Variants in KIF13A observed in about 807,000 individuals in gnomAD.
KIF13A encodes the protein kinesin family member 13A, also known as kinesin-like protein KIF13A.
In KIF13A, 79 loss-of-function variants were observed where a neutral mutation model predicts 212.2. That is an observed-to-expected ratio of 0.37 (90% CI 0.31 to 0.45). KIF13A has a LOEUF of 0.45. KIF13A is among the 20% of genes least tolerant of loss of function. The pLI is 1.00. For missense variants in KIF13A, 1,901 were observed against 2,209.0 expected (o/e 0.86, Z 2.79); for synonymous variants, 789 against 808.6 (o/e 0.98, Z 0.41).
At chr6:17,878,354 C>A in intron 3 of KIF13A, among the ~76,000 whole-genome samples, 1 of 150,936 alleles carries the variant, frequency 6.6e-6, no homozygotes, top group East Asian at 1.9e-4. Context: ...ATCATTTATT[C>A]ACTTCTTCAG....
At chr6:17,775,761 A>G (rs1050015758) in intron 34 of KIF13A, among the ~76,000 whole-genome samples, 5 of 152,186 alleles carry the variant, frequency 3.3e-5, no homozygotes, top group Non-Finnish European at 5.9e-5. Flanking sequence ...TATGTTGCCC[A>G]GGCTGGTCTC....
In KIF13A at chr6:17,919,233, A is replaced by G. The variant is rs992211571; in HGVS notation, c.147-21053T>C. 6.6e-6 allele frequency among the ~76,000 whole-genome samples: 1 copy of G among 152,224 alleles called. No homozygotes were observed. The highest frequency in any genetic ancestry group is 2.1e-4 in the South Asian group (1 of 4,834). ...ACGAATGGAATGTGAACAGCATCAC[A>G]TAACATCACAAAACATCACAGCACA... is the stretch of plus-strand genomic sequence containing the variant. On this transcript the variant is annotated intron_variant, in intron 2 of 38. Coordinates refer to ENST00000259711, the MANE Select transcript of KIF13A (RefSeq NM_022113.6). The surrounding 1 kb of genome is among the most constrained non-coding windows in gnomAD (Gnocchi z 4.1).
chr6:17,975,445 C>T (rs879593240), intron 2 of KIF13A, among the ~76,000 whole-genome samples: 1 of 151,978 alleles, frequency 6.6e-6, no homozygotes, highest in African/African-American at 2.4e-5. Flanking sequence ...CGCTAGCTTA[C>T]AAAAGTGAAG....
Position 17,805,503 on chromosome 6 carries a change from T to A in KIF13A, c.2276A>T (p.Tyr759Phe). 1.2e-6 allele frequency: 2 copies of A among 1,613,790 alleles called. No homozygotes were observed. The highest frequency in any genetic ancestry group is 2.2e-5 in the South Asian group (2 of 91,076). The part of the protein sequence containing the change: ...ENKLIDMRDL[Y>F]QEWKEKVPEA... ...AGGAACTTTTTCCTTCCATTCTTGG[T>A]AAAGGTCTCTCATGTCAATTAATTT... The change falls in exon 19 of 39, where the codon TAC (tyrosine) becomes TTC (phenylalanine). Residue 759 changes from tyrosine (Y) to phenylalanine (F), a missense_variant. By Grantham distance (22) the Tyr-to-Phe change is conservative (BLOSUM62 3). This residue lies in a region of KIF13A where 534 missense variants were observed against 536.9 expected (regional missense o/e 0.99). Coordinates refer to ENST00000259711, the MANE Select transcript of KIF13A (RefSeq NM_022113.6).
At chr6:17,761,386 A>C (rs1295851940), downstream of KIF13A, among the ~76,000 whole-genome samples, 2 of 148,440 alleles carry the variant, frequency 1.3e-5, no homozygotes, top group African/African-American at 2.6e-5. Flanking sequence ...TGGCCGCCAA[A>C]ATTTTTTTTT....
intron 16 of KIF13A, among the ~76,000 whole-genome samples, chr6:17,822,878 T>C (rs998522606): frequency 2.6e-5 from 4 of 152,176 alleles, no homozygotes; most frequent in Admixed American, 2.0e-4. Context: ...AGTAACAGAG[T>C]GGAATGAATC....
Position 17,764,511 on chromosome 6 carries a change from T to C in KIF13A, c.5017A>G (p.Ser1673Gly). The change falls in exon 39 of 39, where the codon AGT (serine) becomes GGT (glycine). Residue 1673 changes from serine (S) to glycine (G), a missense_variant. Around this residue, in one of 5 missense-constraint regions of KIF13A, gnomAD observed 687 missense variants for 759.1 expected, o/e 0.90. Transcript: ENST00000259711. The surrounding 1 kb of genome is among the most constrained non-coding windows in gnomAD (Gnocchi z 5.1). The stretch of plus-strand genomic sequence containing the variant: ...GATGGGCTCCCTTTGGCTAAGGCAC[T>C]GTTTTCCTTGAGTGGCACCACAATT... The part of the protein sequence containing the change: ...KIIVVPLKEN[S>G]ALAKGSPSSQ... 1 of 1,614,058 alleles carries C rather than the reference T, an allele frequency of 6.2e-7. No individual in the cohort carries two copies.
intron 3 of KIF13A, among the ~76,000 whole-genome samples, chr6:17,885,451 C>T (rs563184646): frequency 3.3e-5 from 5 of 152,272 alleles, no homozygotes; most frequent in South Asian, 2.1e-4. Context: ...GCATTACAGT[C>T]GGCATGGACT....
At chr6:17,824,443 A>G (rs1324311233) in intron 16 of KIF13A, among the ~76,000 whole-genome samples, 2 of 152,114 alleles carry the variant, frequency 1.3e-5, no homozygotes, top group Non-Finnish European at 2.9e-5. Flanking sequence ...GCCAATGTTT[A>G]AGGGAAGAGC....
At chr6:17,879,864 G>A (rs1770900950) in intron 3 of KIF13A, among the ~76,000 whole-genome samples, 1 of 152,156 alleles carries the variant, frequency 6.6e-6, no homozygotes, top group Non-Finnish European at 1.5e-5. Flanking sequence ...CTTTACAGTA[G>A]TTTTGATTTT....
intron 2 of KIF13A, among the ~76,000 whole-genome samples, chr6:17,901,287 C>T (rs1384778538): frequency 6.6e-6 from 1 of 151,730 alleles, no homozygotes; most frequent in Non-Finnish European, 1.5e-5. Flanking sequence ...AATACTGACA[C>T]TATAATCAAA....
chr6:17,910,205 G>T (rs1773915118), intron 2 of KIF13A, among the ~76,000 whole-genome samples: 1 of 152,196 alleles, frequency 6.6e-6, no homozygotes, highest in African/African-American at 2.4e-5. Context: ...ATTTTAAAAT[G>T]TGCATTTACT....
At chr6:17,822,043 CTTT>C (rs565299308) in intron 16 of KIF13A, 192 of 585,376 alleles carry the variant, frequency 3.3e-4, no homozygotes, top group East Asian at 5.6e-4. Context: ...AACATAACTT[CTTT>C]TTTTTTTTTT....
chr6:17,934,289 G>A lies in KIF13A; in HGVS notation c.147-36109C>T, dbSNP rs945695924. On this transcript the variant is annotated intron_variant, in intron 2 of 38. Transcript: ENST00000259711. This position sits in a 1 kb window ranked among gnomAD's most constrained non-coding sequence, Gnocchi z 5.4. ...CAGAGCAGAGGGCCCGGCTTGTAGCGTGCACTTGCAGGTAGGCAAGAAAAG... is the reference window on the plus strand; with the variant it reads ...CAGAGCAGAGGGCCCGGCTTGTAGCATGCACTTGCAGGTAGGCAAGAAAAG... Among the ~76,000 whole-genome samples, 4 of 152,100 alleles carry A rather than the reference G, an allele frequency of 2.6e-5. No individual in the cohort carries two copies. Among genetic ancestry groups the A allele is most frequent in the African/African-American group, 7.2e-5 (3 of 41,430 alleles).
Position 17,831,151 on chromosome 6 carries a change from T to A in KIF13A, c.1351A>T (p.Asn451Tyr). 6.2e-7 allele frequency: 1 copy of A among 1,613,924 alleles called. No individual in the cohort carries two copies. Among genetic ancestry groups the A allele is most frequent in the Non-Finnish European group, 8.5e-7 (1 of 1,179,832 alleles). Residue 451 changes from asparagine to tyrosine, a missense_variant, in exon 13 of 39, where the codon AAT (asparagine) becomes TAT (tyrosine). Asn to Tyr is a moderately radical substitution (Grantham distance 143). Around this residue, in one of 5 missense-constraint regions of KIF13A, gnomAD observed 506 missense variants for 637.4 expected, o/e 0.79. Coordinates refer to ENST00000259711, the MANE Select transcript of KIF13A (RefSeq NM_022113.6). The stretch of plus-strand genomic sequence containing the variant: ...TTAAGAGCAGGGTCTGCATTCAGAT[T>A]GACTAAGTAGCATTTGTCATCCCCC... ...KVGDDKCYLV[N>Y]LNADPALNEL...
intron 2 of KIF13A, among the ~76,000 whole-genome samples, chr6:17,985,632 C>CCGGGGGGGGGGGGGGGGG (rs112580662): frequency 2.6e-5 from 1 of 38,208 alleles, no homozygotes; most frequent in Admixed American, 3.2e-4. Context: ...ATGCAGTTTG[C>CCGGGGGGGGGGGGGGGGG]GGGGGGGTGG....
At position 17,826,000 on chromosome 6, in the gene KIF13A, T is replaced by C. The variant is rs774253829; in HGVS notation, c.1619+38A>G. The C allele has an allele frequency of 3.1e-6, 5 of 1,610,524 alleles. No homozygotes were observed. In the South Asian group the frequency reaches 5.5e-5, roughly 18 times the overall value. On this transcript the variant is annotated intron_variant, in intron 15 of 38. Transcript: ENST00000259711. The surrounding 1 kb of genome is among the most constrained non-coding windows in gnomAD (Gnocchi z 4.5). ...ACACTTAAATAGATAACAGAAAAAA[T>C]GTATACGAAAATATATTACAGAACA...
chr6:17,945,629 A>C (rs1342459465), intron 2 of KIF13A, among the ~76,000 whole-genome samples: 1 of 152,242 alleles, frequency 6.6e-6, no homozygotes, highest in Non-Finnish European at 1.5e-5. Context: ...CTAAATAAAC[A>C]GATATACCAT....
chr6:17,832,888 C>A (rs2150374212), intron 12 of KIF13A, among the ~76,000 whole-genome samples: 1 of 151,336 alleles, frequency 6.6e-6, no homozygotes, highest in South Asian at 2.1e-4. Flanking sequence ...GTGGCGCAAG[C>A]CTCTAGTCCC....
Sources: allele counts gnomAD v4.1 joint callset (sites outside exome capture counted in the v4.1 genomes callset), GRCh38; gene constraint gnomAD v4.1.1; regional missense constraint gnomAD v4.1.1; non-coding constraint Gnocchi (gnomAD v3.1); transcripts MANE v1.5; gene names NCBI Gene and HGNC (gene_info 2026-07-23, HGNC 2026-07-21).